The following TTLL5 variants were observed in gnomAD, a reference collection of about 807,000 sequenced individuals.
The protein encoded by TTLL5 is tubulin tyrosine ligase like 5, also known as tubulin polyglutamylase TTLL5.
TTLL5 carries 132 observed loss-of-function variants against 168.4 expected under a neutral mutation model. The ratio of observed to expected loss-of-function variants is 0.78; its 90% CI spans 0.68 to 0.91. The LOEUF is 0.91. TTLL5 is among the 40% of genes least tolerant of loss of function. The pLI is 0.00. For missense variants in TTLL5, 1,545 were observed against 1,581.5 expected (o/e 0.98, Z 0.39); for synonymous variants, 546 against 558.6 (o/e 0.98, Z 0.32).
At chr14:75,815,197 T>C (rs879416853) in intron 27 of TTLL5, among the ~76,000 whole-genome samples, 21 of 152,186 alleles carry the variant, frequency 1.4e-4, no homozygotes, top group Admixed American at 1.1e-3. Flanking sequence ...AATCCACAAG[T>C]CTAAGAATAG....
At chr14:75,836,823 A>G (rs1024607649) in intron 28 of TTLL5, among the ~76,000 whole-genome samples, 5 of 152,190 alleles carry the variant, frequency 3.3e-5, no homozygotes. Context: ...TTTAATGAAG[A>G]GATGTGTTGT....
chr14:75,667,751 G>GTTTT lies in TTLL5; in HGVS notation c.75-1643_75-1640dup, dbSNP rs67181555. 8.2e-3 allele frequency among the ~76,000 whole-genome samples: 727 copies of GTTTT among 89,056 alleles called. 22 individuals are homozygous for GTTTT. The highest frequency in any genetic ancestry group is 0.012 in the African/African-American group (275 of 22,780). The allele number at this position is 89,056 out of a possible 152,430, so 58.4% of individuals were successfully genotyped here. ...GCATTCAGAGTGTGGATCTTTTTAT[G>GTTTT]TTTTTTTTTTTTTTTTTTTTTTTTT... On this transcript the variant is annotated intron_variant, in intron 2 of 31. Transcript: ENST00000298832.
chr14:75,719,000 G>T (rs1887657048), intron 10 of TTLL5, among the ~76,000 whole-genome samples: 1 of 152,206 alleles, frequency 6.6e-6, no homozygotes, highest in African/African-American at 2.4e-5. Context: ...TGTGAAAGAT[G>T]AGCAAAGGCA....
chr14:75,690,785 A>C (rs1251185753), intron 6 of TTLL5, among the ~76,000 whole-genome samples: 1 of 152,046 alleles, frequency 6.6e-6, no homozygotes, highest in African/African-American at 2.4e-5. Context: ...AGGCTCAGCT[A>C]ATTTTTTAAT....
At chr14:75,671,298 C>T (rs76874979) in intron 3 of TTLL5, among the ~76,000 whole-genome samples, 2,472 of 152,160 alleles carry the variant, frequency 0.016, 137 homozygotes, top group East Asian at 0.12. Flanking sequence ...TCTTGATTAC[C>T]GTACCTTTGT....
chr14:75,702,714 C>G (rs547228132), intron 7 of TTLL5, among the ~76,000 whole-genome samples: 1 of 152,096 alleles, frequency 6.6e-6, no homozygotes, highest in Admixed American at 6.6e-5. Context: ...TTCTCCCTCC[C>G]ACCTCTCCCT....
At chr14:75,843,779 A>G (rs1477120049) in intron 28 of TTLL5, among the ~76,000 whole-genome samples, 1 of 152,130 alleles carries the variant, frequency 6.6e-6, no homozygotes, top group Non-Finnish European at 1.5e-5. Flanking sequence ...ACTGAAATGG[A>G]AGCATCTCCT....
At chr14:75,908,782 A>G (rs1189921763) in intron 31 of TTLL5, among the ~76,000 whole-genome samples, 2 of 151,942 alleles carry the variant, frequency 1.3e-5, no homozygotes, top group Non-Finnish European at 2.9e-5. Context: ...CTGTATGTAT[A>G]TATATATTTT....
chr14:75,741,229 G>T (rs1204751017), intron 15 of TTLL5, among the ~76,000 whole-genome samples: 1 of 152,146 alleles, frequency 6.6e-6, no homozygotes, highest in South Asian at 2.1e-4. Flanking sequence ...TTTATCCTTG[G>T]TGCATGTTGC....
chr14:75,939,079 T>C (rs1387324181), intron 31 of TTLL5, among the ~76,000 whole-genome samples: 2 of 152,148 alleles, frequency 1.3e-5, no homozygotes, highest in Non-Finnish European at 2.9e-5. Context: ...GTGGTGGAAA[T>C]TGGCCAACAA....
At chr14:75,875,510 C>T (rs1297845946) in intron 29 of TTLL5, among the ~76,000 whole-genome samples, 1 of 151,126 alleles carries the variant, frequency 6.6e-6, no homozygotes, top group African/African-American at 2.4e-5. Flanking sequence ...CCACTGCACT[C>T]CAGCCTGGCA....
intron 28 of TTLL5, among the ~76,000 whole-genome samples, chr14:75,837,758 T>G (rs1895949876): frequency 6.6e-6 from 1 of 152,220 alleles, no homozygotes. Flanking sequence ...ATCTATGTTA[T>G]AATGTGTCAG....
chr14:75,816,385 ACTCC>A (rs1894396911), intron 27 of TTLL5, among the ~76,000 whole-genome samples: 3 of 152,212 alleles, frequency 2.0e-5, no homozygotes, highest in Admixed American at 1.3e-4. Context: ...ACGCCACTGC[ACTCC>A]AACAGAGTGA....
chr14:75,756,540 CT>C (rs1191617852), intron 18 of TTLL5, among the ~76,000 whole-genome samples: 1 of 150,274 alleles, frequency 6.7e-6, no homozygotes, highest in Non-Finnish European at 1.5e-5. Context: ...CAGTGTCTCA[CT>C]CTGTTGCCCA....
chr14:75,873,296 G>A (rs181564996), intron 29 of TTLL5, among the ~76,000 whole-genome samples: 2 of 152,104 alleles, frequency 1.3e-5, no homozygotes, highest in South Asian at 4.2e-4. Flanking sequence ...GGATGGTCTC[G>A]ATCTTCTGAC....
At chr14:75,746,392 A>G (rs1889613628) in intron 17 of TTLL5, among the ~76,000 whole-genome samples, 1 of 152,178 alleles carries the variant, frequency 6.6e-6, no homozygotes, top group Non-Finnish European at 1.5e-5. Context: ...CCATTCATGT[A>G]CAATTCCCAG....
intron 17 of TTLL5, among the ~76,000 whole-genome samples, chr14:75,747,881 A>G (rs1184802246): frequency 2.0e-5 from 3 of 152,302 alleles, no homozygotes; most frequent in South Asian, 2.1e-4. Flanking sequence ...TATTCACCCA[A>G]ACATTCAAGG....
At chr14:75,662,998 AT>A in intron 1 of TTLL5, 56 bp from the exon 2 acceptor site, 1 of 724,086 alleles carries the variant, frequency 1.4e-6, no homozygotes, top group African/African-American at 1.7e-5. Flanking sequence ...TAACCAATAA[AT>A]AGACAACTGC....
At chr14:75,822,142 T>G (rs377475870) in intron 28 of TTLL5, among the ~76,000 whole-genome samples, 113 of 152,364 alleles carry the variant, frequency 7.4e-4, no homozygotes, top group African/African-American at 2.6e-3. Flanking sequence ...GCATACAACC[T>G]GCACAGCCCA....
Sources: allele counts gnomAD v4.1 joint callset (sites outside exome capture counted in the v4.1 genomes callset), GRCh38; gene constraint gnomAD v4.1.1; transcripts MANE v1.5; gene names NCBI Gene and HGNC (gene_info 2026-07-23, HGNC 2026-07-21).